SSUH2: variants seen among roughly 807,000 people sequenced by gnomAD.
The protein encoded by SSUH2 is protein SSUH2 homolog.
A neutral mutation model predicts 55.3 loss-of-function variants in SSUH2; 47 were observed. The ratio of observed to expected loss-of-function variants is 0.85; its 90% confidence interval spans 0.67 to 1.08. SSUH2 has a LOEUF of 1.08. Among genes scored for constraint, SSUH2 ranks in the 50% least tolerant of loss-of-function variants. The pLI, the probability that SSUH2 is intolerant of heterozygous loss-of-function variation, is 0.00. For synonymous variants in SSUH2, 212 were observed against 191.5 expected (o/e 1.11, Z -0.89); for missense variants, 535 against 490.7 (o/e 1.09, Z -0.85).
chr3:8,631,733 G>T (rs965051067), intron 5 of SSUH2, among the ~76,000 whole-genome samples: 4 of 152,018 alleles, frequency 2.6e-5, no homozygotes, highest in Non-Finnish European at 5.9e-5. Flanking sequence ...GGCATGAGGG[G>T]GTGTAGGTGA....
intron 6 of SSUH2, chr3:8,659,496 T>G (rs569758592): frequency 4.2e-6 from 1 of 239,518 alleles, no homozygotes; most frequent in African/African-American, 2.3e-5. Context: ...TGACCTCTGG[T>G]CATGCACACT....
In SSUH2 at chr3:8,672,594, G is replaced by A. The variant is rs1053065930; in HGVS notation, c.-752-559C>T. On this transcript the variant is annotated intron_variant, in intron 3 of 18. Transcript: ENST00000317371. ...TTAGGAAGAATATCCCAGGATGGGT[G>A]TACACCCCCTGCTGTTTGGGGAGTC... Among the ~76,000 whole-genome samples the A allele has an allele frequency of 3.3e-5, 5 of 152,022 alleles. No individual in the cohort carries two copies. The South Asian group carries it at 6.2e-4, about 19-fold the overall frequency.
intron 3 of SSUH2, among the ~76,000 whole-genome samples, chr3:8,672,205 T>C (rs905360775): frequency 9.2e-5 from 14 of 151,934 alleles, no homozygotes; most frequent in African/African-American, 1.5e-4. Context: ...GGGAACAATA[T>C]CCCTGGGGTG....
Position 8,635,338 on chromosome 3 carries a change from G to C in SSUH2, c.171C>G (p.Pro57=), listed in dbSNP as rs1216104710. The change falls in exon 3 of 12, where the codon CCC becomes CCG. Residue 57 remains proline, a synonymous_variant. Coordinates refer to ENST00000544814, the MANE Select transcript of SSUH2 (RefSeq NM_001256748.3). ...ACGAGGGCCAGGACCTTTGCTCCTG[G>C]GGCCTCCCTGGGGCCTCCAAAGGTG... is the stretch of plus-strand genomic sequence containing the variant. ...FFPPLEAPGR[P]QEQRSWPSFL... The C allele has an allele frequency of 1.3e-6, 2 of 1,535,862 alleles. No individual in the cohort carries two copies. The highest frequency in any genetic ancestry group is 2.7e-5 in the African/African-American group (2 of 73,046).
chr3:8,667,280 G>A (rs1704078235), intron 5 of SSUH2, among the ~76,000 whole-genome samples: 1 of 152,160 alleles, frequency 6.6e-6, no homozygotes, highest in African/African-American at 2.4e-5. Context: ...AGACCATATA[G>A]GTAACTTCTG....
At chr3:8,635,633 G>A (rs995595473) in intron 2 of SSUH2, 126 bp downstream of exon 2, 21 of 938,150 alleles carry the variant, frequency 2.2e-5, no homozygotes, top group African/African-American at 3.3e-5. Flanking sequence ...CCCAAGATGA[G>A]GGGCTTCCCA....
intron 5 of SSUH2, among the ~76,000 whole-genome samples, chr3:8,669,440 C>G (rs1290001594): frequency 6.6e-6 from 1 of 152,144 alleles, no homozygotes; most frequent in Non-Finnish European, 1.5e-5. Context: ...CAGAGCAGTA[C>G]AGCAATAATT....
intron 1 of SSUH2, among the ~76,000 whole-genome samples, chr3:8,639,579 C>T (rs1417733164): frequency 6.6e-6 from 1 of 152,204 alleles, no homozygotes; most frequent in East Asian, 1.9e-4. Context: ...TTCAGCTCAC[C>T]ACCCACAAGA....
intron 6 of SSUH2, 90 bp from the exon 7 acceptor site, chr3:8,629,816 G>T: frequency 8.0e-7 from 1 of 1,245,196 alleles, no homozygotes; most frequent in Non-Finnish European, 1.2e-6. Flanking sequence ...AAGGTGGAGT[G>T]GATCAGGACC....
Position 8,629,740 on chromosome 3 carries a change from G to A in SSUH2, c.526-14C>T, listed in dbSNP as rs568316383. 63 of 1,614,008 alleles carry A rather than the reference G, an allele frequency of 3.9e-5. No homozygotes were observed. The East Asian group carries it at 6.7e-4, about 17-fold the overall frequency. ...TTTGTGGCATTCCTGAAAGTGCAAC[G>A]CTTTCTTGGGATCTAGTTTCCCAAG... is the stretch of plus-strand genomic sequence containing the variant. On this transcript the variant is annotated splice_polypyrimidine_tract_variant and intron_variant, in intron 6 of 11. Transcript: ENST00000544814.
In SSUH2 at chr3:8,627,921, G is replaced by A. The variant is rs1202359262; in HGVS notation, c.589-138C>T. 54 of 571,848 alleles carry A rather than the reference G, an allele frequency of 9.4e-5. No individual in the cohort carries two copies. In the East Asian group the frequency reaches 1.7e-3, roughly 18 times the overall value. 35.4% of individuals were successfully genotyped at this position (571,848 alleles called of 1,614,324 possible). A position where few individuals can be genotyped will look rare whatever the true frequency, so the allele number is the denominator to read the frequency against. ...AGCCCCTTCATCTGTAAAATGGTGC[G>A]GGGTGGAGATGGGGTATCTTTGGAT... On this transcript the variant is annotated intron_variant, in intron 7 of 11. Coordinates refer to ENST00000544814, the MANE Select transcript of SSUH2 (RefSeq NM_001256748.3).
chr3:8,627,854 G>A lies in SSUH2; in HGVS notation c.589-71C>T, dbSNP rs1697924733. On this transcript the variant is annotated intron_variant, in intron 7 of 11. Transcript: ENST00000544814. ...CAGGGCCAACGGCATCCCAAGACCTGGTTCAAATCCCAGCCTGGTGACCTT... is the reference window on the plus strand; with the variant it reads ...CAGGGCCAACGGCATCCCAAGACCTAGTTCAAATCCCAGCCTGGTGACCTT... 42 of 1,411,790 alleles carry A rather than the reference G, an allele frequency of 3.0e-5. No individual in the cohort carries two copies. In the South Asian group the frequency reaches 5.3e-4, roughly 18 times the overall value. The allele number at this position is 1,411,790 out of a possible 1,614,324, so 87.5% of individuals were successfully genotyped here.
chr3:8,654,885 A>ACAGTGGGTGGCCTCTTCCCCCGGGTCT (rs1702786569), intron 7 of SSUH2, among the ~76,000 whole-genome samples: 2 of 145,164 alleles, frequency 1.4e-5, no homozygotes, highest in Non-Finnish European at 3.0e-5. Context: ...CTCCAAGATC[A>ACAGTGGGTGGCCTCTTCCCCCGGGTCT]CAGTGGGTGG....
upstream of SSUH2, among the ~76,000 whole-genome samples, chr3:8,646,255 A>G (rs183098526): frequency 1.1e-4 from 16 of 152,356 alleles, no homozygotes; most frequent in East Asian, 2.1e-3. Context: ...CCAAAACATG[A>G]TAAATGATAG....
chr3:8,623,429 T>TC, intron 11 of SSUH2, 120 bp downstream of exon 11: 1 of 693,720 alleles, frequency 1.4e-6, no homozygotes, highest in Non-Finnish European at 2.6e-6. Context: ...CCCACACTCC[T>TC]CCCCCGGGAC....
chr3:8,631,102 A>G (rs1216024832), intron 5 of SSUH2, among the ~76,000 whole-genome samples, 173 bp from the exon 6 acceptor site: 2 of 152,176 alleles, frequency 1.3e-5, no homozygotes, highest in East Asian at 3.9e-4. Flanking sequence ...AGCAACCAAG[A>G]TTTAGAGAGA....
intron 10 of SSUH2, among the ~76,000 whole-genome samples, chr3:8,623,925 C>G (rs1002013372): frequency 1.3e-5 from 2 of 152,214 alleles, no homozygotes; most frequent in African/African-American, 4.8e-5. Context: ...AGGCAGTGAC[C>G]ATGGCTGGTG....
chr3:8,664,692 G>A (rs1377100144), intron 5 of SSUH2, among the ~76,000 whole-genome samples: 1 of 152,190 alleles, frequency 6.6e-6, no homozygotes, highest in Non-Finnish European at 1.5e-5. Flanking sequence ...CCGGCTCCCA[G>A]CTCGGTGCTT....
rs766780350 is a variant in SSUH2, at chr3:8,627,763, G to A, written c.609C>T (p.Cys203=). Residue 203 remains cysteine, a synonymous_variant, in exon 8 of 12, where the codon TGC becomes TGT. Transcript: ENST00000544814. Reference sequence around the variant, plus strand: ...ACTGCTTGGCTTTGCGCTTGGCTCCGCAGCAGGATGGGCACCGCACCTGCA... The same window carrying A: ...ACTGCTTGGCTTTGCGCTTGGCTCCACAGCAGGATGGGCACCGCACCTGCA... ...GAGTVRCPSC[C]GAKRKAKQSR... The A allele has an allele frequency of 3.7e-5, 60 of 1,609,438 alleles. No homozygotes were observed. Among genetic ancestry groups the A allele is most frequent in the Admixed American group, 8.4e-5 (5 of 59,190 alleles).
Sources: gnomAD v4.1 joint callset for allele counts (sites outside exome capture counted in the v4.1 genomes callset) on GRCh38, gnomAD v4.1.1 for gene constraint, MANE v1.5 for transcripts, NCBI Gene and HGNC (gene_info 2026-07-23, HGNC 2026-07-21) for gene names.